The following WNK2 variants were observed in gnomAD, a reference collection of about 807,000 sequenced individuals.
The protein encoded by WNK2 is WNK lysine deficient protein kinase 2, also known as serine/threonine-protein kinase WNK2.
In WNK2, 67 loss-of-function variants were observed where a neutral mutation model predicts 192.1. That is an observed-to-expected ratio of 0.35 (90% CI 0.29 to 0.43). The LOEUF is 0.43. Ranked by LOEUF, WNK2 falls within the 20% of genes least tolerant of loss-of-function variation. The probability of loss-of-function intolerance (pLI) is 1.00; values close to 1 mark genes in which losing one functional copy is unlikely to be tolerated. For synonymous variants in WNK2, 1,439 were observed against 1,393.9 expected (o/e 1.03, Z -0.72); for missense variants, 2,698 against 3,089.7 (o/e 0.87, Z 3.01).
At chr9:93,235,022 C>T in intron 5 of WNK2, 57 bp downstream of exon 5, 2 of 1,593,572 alleles carry the variant, frequency 1.3e-6, no homozygotes, top group South Asian at 1.1e-5. Flanking sequence ...TTGGGCCGTA[C>T]CCTGGGCTGG....
At chr9:93,230,854 C>T in intron 3 of WNK2, 34 bp from the exon 4 acceptor site, 5 of 1,592,830 alleles carry the variant, frequency 3.1e-6, no homozygotes, top group South Asian at 1.1e-5. Flanking sequence ...TGCCGGCGAG[C>T]TGCTTGGTGA....
At chr9:93,318,510 A>T (rs757265933) in intron 29 of WNK2, 2 of 1,613,990 alleles carry the variant, frequency 1.2e-6, no homozygotes, top group African/African-American at 2.7e-5. Context: ...CCGCCAGAAA[A>T]CGTTAGGTGA....
chr9:93,211,949 C>T (rs968277353), intron 2 of WNK2, among the ~76,000 whole-genome samples: 3 of 151,996 alleles, frequency 2.0e-5, no homozygotes, highest in African/African-American at 7.3e-5. Context: ...CACTCATCCA[C>T]TCACTCATAC....
rs1294924714 is a variant in WNK2, at chr9:93,297,892, G to A, written c.5748G>A (p.Lys1916=). The A allele has an allele frequency of 2.5e-6, 4 of 1,594,198 alleles. No individual in the cohort carries two copies. The highest frequency in any genetic ancestry group is 3.4e-6 in the Non-Finnish European group (4 of 1,171,628). Reference sequence around the variant, plus strand: ...TCTCGGAGCTGCAGAGCCAGCAGAAGCAGGAGATCGAAGCTCTGTACCGCC... The same window carrying A: ...TCTCGGAGCTGCAGAGCCAGCAGAAACAGGAGATCGAAGCTCTGTACCGCC... The part of the protein sequence containing the change: ...KEISELQSQQ[K]QEIEALYRRL... Residue 1916 remains lysine (K), a synonymous_variant, in exon 24 of 30, where the codon AAG becomes AAA. Coordinates refer to ENST00000427277, the MANE Select transcript of WNK2 (RefSeq NM_006648.4).
chr9:93,300,842 C>T (rs537930997), intron 26 of WNK2, among the ~76,000 whole-genome samples: 1 of 152,340 alleles, frequency 6.6e-6, no homozygotes, highest in South Asian at 2.1e-4. Context: ...GTCATTGCTC[C>T]TCACCCACTG....
chr9:93,192,459 A>T (rs1830505694), intron 2 of WNK2, among the ~76,000 whole-genome samples: 1 of 152,080 alleles, frequency 6.6e-6, no homozygotes. Flanking sequence ...GACATGCTTA[A>T]TCTGAGTGCT....
At chr9:93,245,955 G>A (rs568960449) in intron 7 of WNK2, among the ~76,000 whole-genome samples, 6 of 152,310 alleles carry the variant, frequency 3.9e-5, no homozygotes, top group African/African-American at 1.4e-4. Context: ...TAGAGCAGAT[G>A]ATCCACAGGA....
At chr9:93,219,572 A>AG (rs1398832862) in intron 2 of WNK2, among the ~76,000 whole-genome samples, 6 of 152,122 alleles carry the variant, frequency 3.9e-5, no homozygotes, top group Non-Finnish European at 5.9e-5. Context: ...GTCCTTGGGG[A>AG]GACCCCTGTC....
rs561348672 is a variant in WNK2, at chr9:93,259,439, C to A, written c.2891C>A (p.Pro964His). 1 of 1,527,656 alleles carries A rather than the reference C, an allele frequency of 6.5e-7. No individual in the cohort carries two copies. Among genetic ancestry groups the A allele is most frequent in the Non-Finnish European group, 8.8e-7 (1 of 1,132,610 alleles). 94.6% of individuals were successfully genotyped at this position (1,527,656 alleles called of 1,614,324 possible). A position where few individuals can be genotyped will look rare whatever the true frequency, so the allele number is the denominator to read the frequency against. ...PVLPPQPTLP[P>H]QPVLPPQPTR... The stretch of plus-strand genomic sequence containing the variant: ...CTGCCCCCGCAACCCACGCTGCCCC[C>A]TCAACCTGTGTTGCCCCCGCAACCC... Residue 964 changes from proline to histidine, a missense_variant, in exon 12 of 30, where the codon CCT becomes CAT. Physicochemically the swap from Pro to His is moderately conservative, Grantham distance 77 (BLOSUM62 -2). Around this residue, in one of 7 missense-constraint regions of WNK2, gnomAD observed 893 missense variants for 909.0 expected, o/e 0.98. Transcript: ENST00000427277. This position sits in a 1 kb window ranked among gnomAD's most constrained non-coding sequence, Gnocchi z 4.8.
At chr9:93,214,682 C>G (rs1835375841) in intron 2 of WNK2, among the ~76,000 whole-genome samples, 1 of 141,678 alleles carries the variant, frequency 7.1e-6, no homozygotes, top group Non-Finnish European at 1.5e-5. Flanking sequence ...TACTTGCTGC[C>G]CCTTTGAAGG....
chr9:93,256,515 C>A, intron 10 of WNK2, 61 bp downstream of exon 10: 1 of 1,446,922 alleles, frequency 6.9e-7, no homozygotes, highest in Non-Finnish European at 9.1e-7. Context: ...TGTGCTGGCC[C>A]CTGGGCCCAG....
Position 93,256,957 on chromosome 9 carries a change from C to T in WNK2, c.2200C>T (p.Leu734=), listed in dbSNP as rs748878586. 9 of 1,569,138 alleles carry T rather than the reference C, an allele frequency of 5.7e-6. No homozygotes were observed. Among genetic ancestry groups the T allele is most frequent in the Admixed American group, 5.4e-5 (3 of 55,090 alleles). ...CCTTCTCTCCCTCTAGCCTCCTCCGCTGGCCCAGCCGACACCCCTGCCGCA... is the reference window on the plus strand; with the variant it reads ...CCTTCTCTCCCTCTAGCCTCCTCCGTTGGCCCAGCCGACACCCCTGCCGCA... The part of the protein sequence containing the change: ...PAPPGQQPPP[L]AQPTPLPQVL... The change falls in exon 11 of 30, where the codon CTG becomes TTG. Residue 734 remains leucine, a synonymous_variant. Coordinates refer to ENST00000427277, the MANE Select transcript of WNK2 (RefSeq NM_006648.4).
rs1202360144 is a variant in WNK2 at position 93,185,070 on chromosome 9, A to G, written c.141A>G (p.Val47=). The G allele has an allele frequency of 9.9e-6, 13 of 1,312,476 alleles. No homozygotes were observed. Among genetic ancestry groups the G allele is most frequent in the Non-Finnish European group, 1.3e-5 (13 of 1,028,842 alleles). The allele number at this position is 1,312,476 out of a possible 1,614,324, so 81.3% of individuals were successfully genotyped here. Residue 47 remains valine (V), a synonymous_variant, in exon 2 of 30, where the codon GTA becomes GTG. Coordinates refer to ENST00000427277, the MANE Select transcript of WNK2 (RefSeq NM_006648.4). ...AGCGCTTTCTGCGGCGCAGCGTGGT[A>G]GAGTCGGACCAGGAGGAGCCGCCGG... The part of the protein sequence containing the change: ...GPQRFLRRSV[V]ESDQEEPPGL...
At position 93,259,062 on chromosome 9, in the gene WNK2, G is replaced by C; in HGVS notation, c.2514G>C (p.Val838=). 3 of 1,613,098 alleles carry C rather than the reference G, an allele frequency of 1.9e-6. No homozygotes were observed. The highest frequency in any genetic ancestry group is 1.7e-6 in the Non-Finnish European group (2 of 1,179,748). The part of the protein sequence containing the change: ...VPPPQYFSPA[V]ILPSLAAPLP... ...CACCTCAGTATTTCTCTCCAGCCGT[G>C]ATCTTGCCGAGCCTCGCTGCCCCAC... The change falls in exon 12 of 30, where the codon GTG becomes GTC. Residue 838 remains valine, a synonymous_variant. Transcript: ENST00000427277. This position sits in a 1 kb window ranked among gnomAD's most constrained non-coding sequence, Gnocchi z 4.8.
At chr9:93,220,326 G>A (rs1388290479) in intron 2 of WNK2, among the ~76,000 whole-genome samples, 1 of 152,182 alleles carries the variant, frequency 6.6e-6, no homozygotes, top group Non-Finnish European at 1.5e-5. Flanking sequence ...AGCTTTTCCT[G>A]TTCTGTCCAT....
chr9:93,304,526 C>T (rs558374818), intron 26 of WNK2, among the ~76,000 whole-genome samples: 113 of 152,348 alleles, frequency 7.4e-4, no homozygotes, highest in African/African-American at 2.3e-3. Context: ...ACAGGGAGAC[C>T]GAGGTGGGCC....
At chr9:93,248,361 G>A (rs1422723853) in intron 8 of WNK2, among the ~76,000 whole-genome samples, 1 of 152,236 alleles carries the variant, frequency 6.6e-6, no homozygotes, top group Non-Finnish European at 1.5e-5. Flanking sequence ...CAGGACAGAT[G>A]GGGACAAATG....
Position 93,261,968 on chromosome 9 carries a change from C to T in WNK2, c.3221C>T (p.Ala1074Val), listed in dbSNP as rs1844349374. The T allele has an allele frequency of 6.2e-7, 1 of 1,611,966 alleles. No homozygotes were observed. The highest frequency in any genetic ancestry group is 8.5e-7 in the Non-Finnish European group (1 of 1,179,722). Residue 1074 changes from alanine to valine, a missense_variant, in exon 13 of 30, where the codon GCC (alanine) becomes GTC (valine). By Grantham distance (64) the Ala-to-Val change is moderately conservative. Transcript: ENST00000427277. ...ELLPQFPSSL[A>V]TVSASVQSVP... ...CTGCCTCAGTTCCCCAGCTCCCTGG[C>T]CACGGTGTCTGCCTCTGTGCAGAGT...
chr9:93,290,544 G>A (rs1186669571), intron 21 of WNK2, among the ~76,000 whole-genome samples: 1 of 152,234 alleles, frequency 6.6e-6, no homozygotes, highest in African/African-American at 2.4e-5. Flanking sequence ...TAAAGCCCCA[G>A]TTGGTGGGTG....
Sources: gnomAD v4.1 joint callset for allele counts (sites outside exome capture counted in the v4.1 genomes callset) on GRCh38, gnomAD v4.1.1 for gene constraint, gnomAD v4.1.1 regional missense constraint, Gnocchi (gnomAD v3.1) non-coding constraint, MANE v1.5 for transcripts, NCBI Gene and HGNC (gene_info 2026-07-23, HGNC 2026-07-21) for gene names.